BTD: variants seen among roughly 807,000 people sequenced by gnomAD.
BTD encodes the protein biotinidase.
In BTD, 13 loss-of-function variants were observed where a neutral mutation model predicts 17.7. The observed-to-expected ratio is 0.74, with a 90% confidence interval of 0.48 to 1.17. The LOEUF is 1.17. Among genes scored for constraint, BTD ranks in the 50% most tolerant of loss-of-function variants. The probability of loss-of-function intolerance (pLI) is 0.00; values close to 1 mark genes in which losing one functional copy is unlikely to be tolerated. For synonymous variants in BTD, 240 were observed against 245.2 expected (o/e 0.98, Z 0.20); for missense variants, 674 against 650.4 (o/e 1.04, Z -0.39).
intron 3 of BTD, among the ~76,000 whole-genome samples, chr3:15,702,995 G>T (rs1234923400): frequency 6.6e-6 from 1 of 152,086 alleles, no homozygotes; most frequent in Non-Finnish European, 1.5e-5. Flanking sequence ...GATTAAATAG[G>T]CACAGAGAGG....
chr3:15,688,081 G>A (rs1016146019), intron 3 of BTD, among the ~76,000 whole-genome samples: 2 of 152,142 alleles, frequency 1.3e-5, no homozygotes, highest in African/African-American at 2.4e-5. Flanking sequence ...TTGTGGGTAG[G>A]ATTTATGCTG....
chr3:15,692,809 T>C (rs1184418765), intron 3 of BTD, among the ~76,000 whole-genome samples: 2 of 152,248 alleles, frequency 1.3e-5, no homozygotes, highest in Non-Finnish European at 2.9e-5. Flanking sequence ...CTATTTAGTA[T>C]ACCTATGGCA....
intron 3 of BTD, among the ~76,000 whole-genome samples, chr3:15,642,824 T>C (rs946504190): frequency 6.6e-6 from 1 of 151,994 alleles, no homozygotes; most frequent in Non-Finnish European, 1.5e-5. Context: ...TATTATATTT[T>C]TGTAAACATG....
intron 3 of BTD, chr3:15,667,418 C>T (rs1021389267): frequency 6.6e-6 from 1 of 152,164 alleles, no homozygotes; most frequent in Non-Finnish European, 1.5e-5. Flanking sequence ...AGAGCAGAAG[C>T]TGGTATTATA....
At chr3:15,717,370 G>GA (rs1027434515), downstream of BTD, among the ~76,000 whole-genome samples, 3 of 151,880 alleles carry the variant, frequency 2.0e-5, no homozygotes, top group Admixed American at 2.0e-4. Flanking sequence ...GTATACAAAG[G>GA]AAAAAGAGAT....
chr3:15,636,114 G>A (rs2065341174), intron 2 of BTD, among the ~76,000 whole-genome samples: 1 of 152,158 alleles, frequency 6.6e-6, no homozygotes, highest in Non-Finnish European at 1.5e-5. Flanking sequence ...AAGGGGTGTG[G>A]ACTGGCACTG....
intron 3 of BTD, among the ~76,000 whole-genome samples, chr3:15,662,775 TAG>T (rs2065937588): frequency 6.6e-6 from 1 of 151,412 alleles, no homozygotes; most frequent in Non-Finnish European, 1.5e-5. Context: ...GCTGGAACTA[TAG>T]GTGTGTGCCA....
intron 1 of BTD, among the ~76,000 whole-genome samples, chr3:15,624,231 AT>A (rs1315807889): frequency 1.3e-5 from 2 of 151,720 alleles, no homozygotes; most frequent in African/African-American, 4.8e-5. Context: ...AGTTAACCTG[AT>A]TGGTGTTCTC....
In BTD at chr3:15,638,968, A is replaced by G. The variant is rs576509143; in HGVS notation, c.250-2940A>G. The stretch of plus-strand genomic sequence containing the variant: ...GTGGTCTGTCATTGACCAAAATGTC[A>G]TCATGCAGTGCATGACTATATTTCT... On this transcript the variant is annotated intron_variant, in intron 2 of 3. Transcript: ENST00000643237. 1.6e-4 allele frequency among the ~76,000 whole-genome samples: 25 copies of G among 152,360 alleles called. 1 individual carries two copies. The South Asian group carries it at 5.2e-3, about 32-fold the overall frequency.
At chr3:15,713,734 C>T (rs2072631407), downstream of BTD, 1 of 717,132 alleles carries the variant, frequency 1.4e-6, no homozygotes, top group Non-Finnish European at 2.2e-6. Context: ...TGTTCACATA[C>T]AAACTAATAG....
At position 15,674,196 on chromosome 3, in the gene BTD, A is replaced by AAAG. The variant is rs1553573254; in HGVS notation, c.399+32148_399+32150dup. On this transcript the variant is annotated intron_variant, in intron 3 of 3. Transcript: ENST00000672141. ...CTTCAAAAAAAAAAAAAAAAAAAAA[A>AAAG]AAGAAGAAGAACCGAAATTCAAGAG... 9.5e-3 allele frequency among the ~76,000 whole-genome samples: 1,239 copies of AAAG among 129,864 alleles called. 51 individuals are homozygous for AAAG. Among genetic ancestry groups the AAAG allele is most frequent in the East Asian group, 0.045 (131 of 2,920 alleles). The allele number at this position is 129,864 out of a possible 152,430, so 85.2% of individuals were successfully genotyped here. A position where few individuals can be genotyped will look rare whatever the true frequency, so the allele number is the denominator to read the frequency against.
intron 1 of BTD, among the ~76,000 whole-genome samples, chr3:15,620,035 C>G (rs1369053499): frequency 6.6e-6 from 1 of 152,060 alleles, no homozygotes; most frequent in Non-Finnish European, 1.5e-5. Context: ...GGGCAAAGGG[C>G]AAAAGCAGAA....
At position 15,645,074 on chromosome 3, in the gene BTD, C is replaced by A. The variant is rs956882463; in HGVS notation, c.1158C>A (p.Val386=). Residue 386 remains valine, a synonymous_variant, in exon 4 of 4, where the codon GTC becomes GTA. Transcript: ENST00000643237. The part of the protein sequence containing the change: ...SEMMYDNFTL[V]PVWGKEGYLH... ...TGATGTATGACAATTTCACCCTGGTCCCTGTCTGGGGAAAGGAAGGCTATC... is the reference window on the plus strand; with the variant it reads ...TGATGTATGACAATTTCACCCTGGTACCTGTCTGGGGAAAGGAAGGCTATC... 6.2e-7 allele frequency: 1 copy of A among 1,614,180 alleles called. No individual in the cohort carries two copies. Among genetic ancestry groups the A allele is most frequent in the African/African-American group, 1.3e-5 (1 of 75,036 alleles).
chr3:15,676,757 G>T, intron 3 of BTD: 1 of 399,980 alleles, frequency 2.5e-6, no homozygotes, highest in South Asian at 3.7e-5. Flanking sequence ...ATACATTATT[G>T]TCAATGTTAT....
chr3:15,712,375 G>C (rs984921945), exon 4 of BTD, among the ~76,000 whole-genome samples: 2 of 152,132 alleles, frequency 1.3e-5, no homozygotes, highest in African/African-American at 4.8e-5. Flanking sequence ...TTTGATGGTG[G>C]GCATAACTTA....
intron 3 of BTD, chr3:15,708,148 C>T: frequency 2.8e-6 from 4 of 1,430,860 alleles, no homozygotes; most frequent in East Asian, 2.5e-5. Context: ...TTACTCCTCC[C>T]AGTTACAAAT....
intron 3 of BTD, among the ~76,000 whole-genome samples, chr3:15,698,496 G>A (rs1351382445): frequency 2.6e-5 from 4 of 152,134 alleles, no homozygotes; most frequent in African/African-American, 9.7e-5. Flanking sequence ...AAACCCCATC[G>A]TCTCAGCTCA....
In BTD at chr3:15,644,722, C is replaced by A; in HGVS notation, c.806C>A (p.Ala269Asp). 1 of 1,614,206 alleles carries A rather than the reference C, an allele frequency of 6.2e-7. No individual in the cohort carries two copies. Among genetic ancestry groups the A allele is most frequent in the Admixed American group, 1.7e-5 (1 of 60,032 alleles). Residue 269 changes from alanine to aspartate, a missense_variant, in exon 4 of 4, where the codon GCT (alanine) becomes GAT (aspartate). Ala to Asp is a moderately radical substitution (Grantham distance 126, BLOSUM62 -2). Coordinates refer to ENST00000643237, the MANE Select transcript of BTD (RefSeq NM_001370658.1). ...GCAATTGAGATTCAGAAAGCTTTTG[C>A]TGTTGCCTTTGGCATCAACGTTCTG... is the stretch of plus-strand genomic sequence containing the variant. ...LAAIEIQKAF[A>D]VAFGINVLAA...
chr3:15,699,403 A>G (rs1215022371), intron 3 of BTD, among the ~76,000 whole-genome samples: 1 of 152,200 alleles, frequency 6.6e-6, no homozygotes, highest in East Asian at 1.9e-4. Flanking sequence ...GGATCTAATT[A>G]AACTAAAGAG....
Sources: gnomAD v4.1 joint callset for allele counts (sites outside exome capture counted in the v4.1 genomes callset) on GRCh38, gnomAD v4.1.1 for gene constraint, MANE v1.5 for transcripts, NCBI Gene and HGNC (gene_info 2026-07-23, HGNC 2026-07-21) for gene names.